The following POLK variants were observed in gnomAD, a reference collection of about 807,000 sequenced individuals.
The protein encoded by POLK is polymerase (DNA directed) kappa.
A neutral mutation model predicts 94.0 loss-of-function variants in POLK; 76 were observed. That is an observed-to-expected ratio of 0.81 (90% CI 0.67 to 0.98). The LOEUF (loss-of-function observed/expected upper bound fraction) is 0.98, where lower values mean the gene tolerates loss of function less well. Among genes scored for constraint, POLK ranks in the 50% least tolerant of loss-of-function variants. The pLI is 0.00. For missense variants in POLK, 954 were observed against 1,010.1 expected (o/e 0.94, Z 0.75); for synonymous variants, 349 against 325.4 (o/e 1.07, Z -0.78).
intron 2 of POLK, among the ~76,000 whole-genome samples, chr5:75,550,803 C>T (rs1041243123): frequency 1.3e-5 from 2 of 152,160 alleles, no homozygotes; most frequent in African/African-American, 4.8e-5. Flanking sequence ...CAGTGTACAT[C>T]ATACTTTATG....
In POLK at chr5:75,590,458, G is replaced by T. The variant is rs755460402; in HGVS notation, c.1356+18G>T. ...GACTTAAGGTGCTTTATTTTGATATGGTGTCCTTAGTTTTTAAGTTTTTTA... is the reference window on the plus strand; with the variant it reads ...GACTTAAGGTGCTTTATTTTGATATTGTGTCCTTAGTTTTTAAGTTTTTTA... On this transcript the variant is annotated intron_variant, in intron 11 of 14. Coordinates refer to ENST00000241436, the Ensembl canonical transcript of POLK. 2 of 1,437,614 alleles carry T rather than the reference G, an allele frequency of 1.4e-6. No homozygotes were observed. The highest frequency in any genetic ancestry group is 2.0e-6 in the Non-Finnish European group (2 of 1,021,558). The allele number at this position is 1,437,614 out of a possible 1,614,324, so 89.1% of individuals were successfully genotyped here.
chr5:75,602,542 T>C (rs191394221), downstream of POLK, among the ~76,000 whole-genome samples: 91 of 152,288 alleles, frequency 6.0e-4, no homozygotes, highest in Middle Eastern at 3.4e-3. Context: ...TGTCAAATTA[T>C]TAGAATTGTA....
intron 11 of POLK, among the ~76,000 whole-genome samples, chr5:75,590,944 C>T (rs1420353155): frequency 3.3e-5 from 5 of 152,160 alleles, no homozygotes; most frequent in Non-Finnish European, 7.4e-5. Flanking sequence ...ATTTTATAAT[C>T]TTCACTCACA....
intron 3 of POLK, among the ~76,000 whole-genome samples, chr5:75,556,966 G>T (rs1180200944): frequency 6.6e-6 from 1 of 152,138 alleles, no homozygotes; most frequent in Non-Finnish European, 1.5e-5. Context: ...GGGAGGCTGA[G>T]GTGGGAAGAT....
chr5:75,589,371 TTA>T (rs1284873138), intron 10 of POLK, among the ~76,000 whole-genome samples: 179 of 127,830 alleles, frequency 1.4e-3, no homozygotes, highest in African/African-American at 5.3e-3. Context: ...TTTGCTTATT[TTA>T]TATATATACA....
chr5:75,570,935 A>G (rs1270529588), intron 4 of POLK, among the ~76,000 whole-genome samples: 2 of 152,146 alleles, frequency 1.3e-5, no homozygotes, highest in Non-Finnish European at 2.9e-5. Context: ...TTTTGAAAGG[A>G]AACTCCCCTT....
At chr5:75,550,989 A>T (rs759119321) in intron 2 of POLK, among the ~76,000 whole-genome samples, 1 of 152,180 alleles carries the variant, frequency 6.6e-6, no homozygotes, top group Non-Finnish European at 1.5e-5. Flanking sequence ...TGGTAGGCTG[A>T]GATAGGAGGA....
intron 5 of POLK, 102 bp downstream of exon 5, chr5:75,573,971 T>TA: frequency 8.7e-7 from 1 of 1,156,042 alleles, no homozygotes; most frequent in Non-Finnish European, 1.3e-6. Context: ...GGTCTTAGCT[T>TA]ATCCTTTCAG....
chr5:75,521,705 A>T (rs186727152), intron 1 of POLK, among the ~76,000 whole-genome samples: 1 of 151,638 alleles, frequency 6.6e-6, no homozygotes, highest in Admixed American at 6.6e-5. Context: ...GTCTTCTCTG[A>T]CTAGTTTGGT....
At chr5:75,512,231 G>T in intron 1 of POLK, 1 of 161,138 alleles carries the variant, frequency 6.2e-6, no homozygotes, top group South Asian at 1.8e-4. Context: ...AATCTCGAGG[G>T]TCTTACTCAT....
exon 15 of POLK, chr5:75,601,016 A>G (rs1773285227): frequency 6.6e-6 from 1 of 152,148 alleles, no homozygotes; most frequent in South Asian, 2.1e-4. Context: ...GATGCTGGCA[A>G]TGTTCTATTT....
At chr5:75,584,980 G>T (rs1772391563) in intron 9 of POLK, 54 bp downstream of exon 9, 1 of 1,165,202 alleles carries the variant, frequency 8.6e-7, no homozygotes, top group Admixed American at 2.1e-5. Context: ...TGCAATATCA[G>T]TTTTAACCAT....
At chr5:75,555,170 T>C (rs1770556022) in intron 3 of POLK, among the ~76,000 whole-genome samples, 1 of 152,186 alleles carries the variant, frequency 6.6e-6, no homozygotes, top group Non-Finnish European at 1.5e-5. Flanking sequence ...AAGTTGATAG[T>C]TTATATTAGG....
At chr5:75,597,886 T>C in intron 14 of POLK, 48 bp from the exon 15 acceptor site, 1 of 1,182,202 alleles carries the variant, frequency 8.5e-7, no homozygotes, top group Non-Finnish European at 1.2e-6. Context: ...TGAATTATTT[T>C]CTAGAATCTC....
At position 75,563,769 on chromosome 5, in the gene POLK, T is replaced by C. The variant is rs150883202; in HGVS notation, c.256-5571T>C. Among the ~76,000 whole-genome samples, 48 of 152,218 alleles carry C rather than the reference T, an allele frequency of 3.2e-4. 2 individuals carry two copies. Among genetic ancestry groups the C allele is most frequent in the Middle Eastern group, 6.8e-3 (2 of 294 alleles). On this transcript the variant is annotated intron_variant, in intron 3 of 14. Coordinates refer to ENST00000241436, the Ensembl canonical transcript of POLK. ...TGCGCTGTGGTCTGAGAGACTGTTA[T>C]GATTTCTGTTCTTTTGCATTTGCTG...
intron 3 of POLK, among the ~76,000 whole-genome samples, chr5:75,564,679 GT>G (rs1404467924): frequency 6.6e-5 from 10 of 152,146 alleles, no homozygotes; most frequent in Non-Finnish European, 1.5e-4. Context: ...GAAATTCTGG[GT>G]TGAAAATTCT....
chr5:75,597,107 G>A, exon 13 of POLK: 1 of 1,612,856 alleles, frequency 6.2e-7, no homozygotes, highest in Non-Finnish European at 8.5e-7. Context: ...TTAAATAAAA[G>A]TTTTATCCAA....
chr5:75,573,726 A>G lies in POLK; in HGVS notation c.409-12A>G, dbSNP rs1428776921. The G allele has an allele frequency of 2.5e-6, 4 of 1,610,672 alleles. No homozygotes were observed. Among genetic ancestry groups the G allele is most frequent in the South Asian group, 1.1e-5 (1 of 90,982 alleles). On this transcript the variant is annotated splice_polypyrimidine_tract_variant and intron_variant, in intron 4 of 14. Coordinates refer to ENST00000241436, the Ensembl canonical transcript of POLK. ...TTGTGTATTTTTTTCCATGTGGTCAATTTTCTTTCAGTCTACTTCAAATTA... is the reference window on the plus strand; with the variant it reads ...TTGTGTATTTTTTTCCATGTGGTCAGTTTTCTTTCAGTCTACTTCAAATTA...
chr5:75,604,395 T>C (rs1270310220), downstream of POLK, among the ~76,000 whole-genome samples: 2 of 152,196 alleles, frequency 1.3e-5, no homozygotes, highest in African/African-American at 4.8e-5. Context: ...CTGTTGTTTT[T>C]AGAGACAAGG....
Sources: allele counts gnomAD v4.1 joint callset (sites outside exome capture counted in the v4.1 genomes callset), GRCh38; gene constraint gnomAD v4.1.1; transcripts MANE v1.5; gene names NCBI Gene and HGNC (gene_info 2026-07-23, HGNC 2026-07-21).